Variants in FBLN2 observed in about 807,000 individuals in gnomAD.
FBLN2 encodes the protein fibulin 2.
A neutral mutation model predicts 123.7 loss-of-function variants in FBLN2; 81 were observed. The ratio of observed to expected loss-of-function variants is 0.65; its 90% CI spans 0.55 to 0.79. FBLN2 has a LOEUF of 0.79. Ranked by LOEUF, FBLN2 falls within the 30% of genes least tolerant of loss-of-function variation. The probability of loss-of-function intolerance (pLI) is 0.00; values close to 1 mark genes in which losing one functional copy is unlikely to be tolerated. For synonymous variants in FBLN2, 699 were observed against 701.4 expected (o/e 1.00, Z 0.05); for missense variants, 1,603 against 1,681.3 (o/e 0.95, Z 0.81).
chr3:13,565,532 A>C (rs1255830558), intron 1 of FBLN2, among the ~76,000 whole-genome samples: 1 of 152,248 alleles, frequency 6.6e-6, no homozygotes, highest in African/African-American at 2.4e-5. Flanking sequence ...AGGCCGAGAC[A>C]GGGTGATTGC....
At chr3:13,607,369 C>T (rs1013735354) in intron 2 of FBLN2, among the ~76,000 whole-genome samples, 8 of 152,124 alleles carry the variant, frequency 5.3e-5, no homozygotes, top group African/African-American at 1.7e-4. Flanking sequence ...ACTATTCATG[C>T]AGTGGAAGTG....
At chr3:13,631,637 G>C (rs140057181) in intron 16 of FBLN2, among the ~76,000 whole-genome samples, 180 bp downstream of exon 16, 2 of 152,216 alleles carry the variant, frequency 1.3e-5, no homozygotes, top group East Asian at 3.9e-4. Context: ...GATGAAGAAC[G>C]TGACAGTCTT....
At chr3:13,626,078 C>G (rs1455356793) in intron 9 of FBLN2, among the ~76,000 whole-genome samples, 1 of 152,170 alleles carries the variant, frequency 6.6e-6, no homozygotes, top group Non-Finnish European at 1.5e-5. Flanking sequence ...CCTGGGCACT[C>G]CCTGTCTCCT....
chr3:13,549,157 G>T lies in FBLN2; in HGVS notation c.-93G>T. The T allele has an allele frequency of 1.0e-6, 1 of 982,744 alleles. No individual in the cohort carries two copies. Among genetic ancestry groups the T allele is most frequent in the South Asian group, 4.7e-5 (1 of 21,270 alleles). 60.9% of individuals were successfully genotyped at this position (982,744 alleles called of 1,614,324 possible). A position where few individuals can be genotyped will look rare whatever the true frequency, so the allele number is the denominator to read the frequency against. On this transcript the variant is annotated 5_prime_UTR_variant, in exon 1 of 18. Transcript: ENST00000404922. ...GCCAGGGGCCGCCCGGGCTCTCGAC[G>T]CGCCGACGGCCGGGCGGACGGACGG...
At chr3:13,581,637 G>C (rs1335442444) in intron 2 of FBLN2, among the ~76,000 whole-genome samples, 1 of 152,106 alleles carries the variant, frequency 6.6e-6, no homozygotes, top group Non-Finnish European at 1.5e-5. Flanking sequence ...GGCCACGAGA[G>C]TCACTGCAGA....
At chr3:13,559,947 C>A (rs143561810) in intron 1 of FBLN2, among the ~76,000 whole-genome samples, 165 of 152,184 alleles carry the variant, frequency 1.1e-3, no homozygotes, top group African/African-American at 3.7e-3. Flanking sequence ...GTGTGTGGAG[C>A]GCCAGGTGGG....
At chr3:13,606,097 G>A (rs1432426695) in intron 2 of FBLN2, among the ~76,000 whole-genome samples, 3 of 151,990 alleles carry the variant, frequency 2.0e-5, no homozygotes, top group African/African-American at 2.4e-5. Context: ...TTGGAGATTC[G>A]CCATGTTGTC....
intron 4 of FBLN2, among the ~76,000 whole-genome samples, chr3:13,610,938 G>A (rs1245299821): frequency 7.3e-6 from 1 of 137,402 alleles, no homozygotes; most frequent in Non-Finnish European, 1.6e-5. Context: ...TTGAGACAGA[G>A]TCTCTGTCAC....
intron 4 of FBLN2, among the ~76,000 whole-genome samples, chr3:13,612,428 T>C (rs1705436371): frequency 6.6e-6 from 1 of 151,800 alleles, no homozygotes; most frequent in African/African-American, 2.4e-5. Context: ...TCACCCAGGC[T>C]GGAGTGCAGT....
chr3:13,586,495 GT>G (rs1245229846), intron 2 of FBLN2, among the ~76,000 whole-genome samples: 1,816 of 117,718 alleles, frequency 0.015, 14 homozygotes, highest in African/African-American at 0.031. Flanking sequence ...TGTCTTAGTT[GT>G]TTTTTTTTTT....
chr3:13,628,572 A>G (rs186118258), intron 11 of FBLN2, among the ~76,000 whole-genome samples: 34 of 152,066 alleles, frequency 2.2e-4, no homozygotes, highest in Non-Finnish European at 1.8e-4. Context: ...TGCCTCTAAA[A>G]CTTCTTGTTA....
intron 2 of FBLN2, among the ~76,000 whole-genome samples, chr3:13,579,533 A>G (rs1200668019): frequency 6.6e-6 from 1 of 152,254 alleles, no homozygotes; most frequent in Non-Finnish European, 1.5e-5. Flanking sequence ...TATTTTCACA[A>G]GCACTAACAT....
chr3:13,630,590 C>T (rs1706222341), intron 14 of FBLN2, 109 bp from the exon 15 acceptor site: 3 of 894,068 alleles, frequency 3.4e-6, no homozygotes, highest in African/African-American at 3.3e-5. Flanking sequence ...ATAGGTCAAC[C>T]CCAGTCCAGG....
Position 13,618,227 on chromosome 3 carries a change from C to G in FBLN2, c.1881C>G (p.Tyr627Ter), listed in dbSNP as rs1705703121. 2.5e-6 allele frequency: 4 copies of G among 1,613,940 alleles called. No homozygotes were observed. Among genetic ancestry groups the G allele is most frequent in the Non-Finnish European group, 3.4e-6 (4 of 1,179,904 alleles). Residue 627 changes from tyrosine (Y) to a stop codon, truncating the protein, a stop_gained, in exon 6 of 18, where the codon TAC (tyrosine) becomes TAG (stop). Transcript: ENST00000404922. LOFTEE classifies it high-confidence loss of function. ...QHLCINTVGS[Y>*]HCACFPGFSL... ...TTTGCATCAATACTGTGGGTTCTTA[C>G]CACTGTGCCTGCTTTCCTGGCTTCT...
At chr3:13,597,476 C>T (rs1469764478) in intron 2 of FBLN2, among the ~76,000 whole-genome samples, 2 of 152,210 alleles carry the variant, frequency 1.3e-5, no homozygotes, top group Non-Finnish European at 2.9e-5. Flanking sequence ...CTTCATTCTT[C>T]TCTGTTGTTG....
rs1358482624 is a variant in FBLN2, at chr3:13,571,121, G to C, written c.766G>C (p.Ala256Pro). ...PWPAVLPRPT[A>P]AAALGPPAPV... ...GCCAGCTGTCCTCCCCAGGCCCACA[G>C]CGGCTGCTGCCCTGGGTCCCCCAGC... Residue 256 changes from alanine to proline, a missense_variant, in exon 2 of 18, where the codon GCG (alanine) becomes CCG (proline). Coordinates refer to ENST00000404922, the MANE Select transcript of FBLN2 (RefSeq NM_001004019.2). 6.4e-7 allele frequency: 1 copy of C among 1,552,318 alleles called. No homozygotes were observed.
At chr3:13,588,411 G>T (rs371007028) in intron 2 of FBLN2, among the ~76,000 whole-genome samples, 1 of 152,242 alleles carries the variant, frequency 6.6e-6, no homozygotes, top group South Asian at 2.1e-4. Flanking sequence ...ATTGTGTGGG[G>T]TGAAGGGAAA....
intron 2 of FBLN2, among the ~76,000 whole-genome samples, chr3:13,576,188 A>C (rs1005247121): frequency 1.3e-5 from 2 of 152,300 alleles, no homozygotes; most frequent in South Asian, 4.1e-4. Context: ...GGGAGATGGG[A>C]AAACAGGATC....
intron 2 of FBLN2, among the ~76,000 whole-genome samples, chr3:13,580,631 C>T (rs550333256): frequency 1.2e-4 from 19 of 152,332 alleles, no homozygotes; most frequent in Non-Finnish European, 2.1e-4. Flanking sequence ...CGTAGCTCTC[C>T]ACCCACCTCG....
Sources: allele counts gnomAD v4.1 joint callset (sites outside exome capture counted in the v4.1 genomes callset), GRCh38; gene constraint gnomAD v4.1.1; transcripts MANE v1.5; gene names NCBI Gene and HGNC (gene_info 2026-07-23, HGNC 2026-07-21).